MAGI2: variants seen among roughly 807,000 people sequenced by gnomAD.
The protein encoded by MAGI2 is membrane-associated guanylate kinase, WW and PDZ domain-containing protein 2.
In MAGI2, 35 loss-of-function variants were observed where a neutral mutation model predicts 133.3. The observed-to-expected ratio is 0.26, with a 90% confidence interval of 0.20 to 0.35. The LOEUF (loss-of-function observed/expected upper bound fraction) is 0.35, where lower values mean the gene tolerates loss of function less well. MAGI2 is among the 10% of genes least tolerant of loss of function. The pLI, the probability that MAGI2 is intolerant of heterozygous loss-of-function variation, is 1.00. For synonymous variants in MAGI2, 729 were observed against 710.6 expected (o/e 1.03, Z -0.41); for missense variants, 1,636 against 1,863.4 (o/e 0.88, Z 2.25).
chr7:78,810,510 C>T (rs944838542), intron 2 of MAGI2, among the ~76,000 whole-genome samples: 2 of 152,050 alleles, frequency 1.3e-5, no homozygotes, highest in African/African-American at 4.8e-5. Context: ...TATGAGAATA[C>T]AATTTAATAT....
At chr7:78,983,022 C>T (rs1326366910) in intron 2 of MAGI2, among the ~76,000 whole-genome samples, 2 of 151,852 alleles carry the variant, frequency 1.3e-5, no homozygotes, top group African/African-American at 4.8e-5. Flanking sequence ...ATTTCAAAGA[C>T]TTACTACAAA....
At chr7:79,064,290 T>C (rs1814086481) in intron 1 of MAGI2, among the ~76,000 whole-genome samples, 1 of 152,012 alleles carries the variant, frequency 6.6e-6, no homozygotes, top group Non-Finnish European at 1.5e-5. Context: ...AATTGAGTCA[T>C]AAAACATTTA....
rs181527908 is a variant in MAGI2 at position 78,932,324 on chromosome 7, G to A, written c.418+74766C>T. 8.5e-5 allele frequency among the ~76,000 whole-genome samples: 13 copies of A among 152,194 alleles called. No individual in the cohort carries two copies. In the East Asian group the frequency reaches 2.1e-3, roughly 25 times the overall value. Reference sequence around the variant, plus strand: ...GCGGGTCATAGTAATAAGAAAAAGAGGAAGCACTTATATTTTTCTATAGCA... The same window carrying A: ...GCGGGTCATAGTAATAAGAAAAAGAAGAAGCACTTATATTTTTCTATAGCA... On this transcript the variant is annotated intron_variant, in intron 2 of 21. Coordinates refer to ENST00000354212, the MANE Select transcript of MAGI2 (RefSeq NM_012301.4).
intron 18 of MAGI2, among the ~76,000 whole-genome samples, chr7:78,129,935 CAAAAA>C (rs61675652): frequency 5.3e-5 from 3 of 57,134 alleles, no homozygotes; most frequent in African/African-American, 2.1e-4. Context: ...AACTCCGCCT[CAAAAA>C]AAAAAAAAAA....
intron 10 of MAGI2, among the ~76,000 whole-genome samples, chr7:78,242,505 T>C (rs1449566312): frequency 2.0e-5 from 3 of 152,192 alleles, no homozygotes; most frequent in African/African-American, 4.8e-5. Flanking sequence ...TGCTGTGGAT[T>C]TGTGACTTAG....
chr7:78,838,507 T>TGA (rs1554583846), intron 2 of MAGI2, among the ~76,000 whole-genome samples: 1 of 86,766 alleles, frequency 1.2e-5, no homozygotes, highest in South Asian at 4.9e-4. Flanking sequence ...ATTATGTGTG[T>TGA]GAGTGTGTGT....
chr7:78,792,446 CAAAAGATGAT>C (rs1787243181), intron 2 of MAGI2, among the ~76,000 whole-genome samples: 1 of 152,096 alleles, frequency 6.6e-6, no homozygotes, highest in Non-Finnish European at 1.5e-5. Flanking sequence ...AGAGATTTAT[CAAAAGATGAT>C]AAAAGAGGCA....
At chr7:79,036,468 G>A (rs1315685577) in intron 1 of MAGI2, among the ~76,000 whole-genome samples, 2 of 152,130 alleles carry the variant, frequency 1.3e-5, no homozygotes, top group African/African-American at 4.8e-5. Flanking sequence ...TAGAACTAGG[G>A]ATGTCAGGAT....
chr7:79,167,295 T>C (rs1284060372), intron 1 of MAGI2, among the ~76,000 whole-genome samples: 1 of 150,580 alleles, frequency 6.6e-6, no homozygotes, highest in East Asian at 2.0e-4. Flanking sequence ...CCTCCACTCC[T>C]CTGATTCTTC....
At chr7:78,280,289 A>G (rs1408583232) in intron 9 of MAGI2, among the ~76,000 whole-genome samples, 2 of 150,060 alleles carry the variant, frequency 1.3e-5, no homozygotes, top group African/African-American at 2.5e-5. Context: ...ACAAAGAAAG[A>G]CAAATTGTGG....
intron 1 of MAGI2, among the ~76,000 whole-genome samples, chr7:79,089,407 G>A (rs1377209343): frequency 6.6e-6 from 1 of 152,046 alleles, no homozygotes; most frequent in African/African-American, 2.4e-5. Context: ...GATTCCTCAA[G>A]GATCTAGAAC....
At chr7:79,408,485 G>T (rs901410012) in intron 1 of MAGI2, among the ~76,000 whole-genome samples, 1 of 150,576 alleles carries the variant, frequency 6.6e-6, no homozygotes, top group Non-Finnish European at 1.5e-5. Context: ...TAGGACAAAA[G>T]AAAAAAAAGA....
At chr7:78,382,587 T>C (rs1213156802) in intron 6 of MAGI2, among the ~76,000 whole-genome samples, 1 of 152,042 alleles carries the variant, frequency 6.6e-6, no homozygotes, top group African/African-American at 2.4e-5. Flanking sequence ...ACACAAGAAA[T>C]TTTGTTACAC....
chr7:79,204,303 G>GTT lies in MAGI2; in HGVS notation c.302-197098_302-197097insAA, dbSNP rs1404979937. On this transcript the variant is annotated intron_variant, in intron 1 of 21. Transcript: ENST00000354212. ...AAACTATGACCTGCACCATGGGTCA[G>GTT]TGGATGTTAGTGGCCCTGGGCTCAG... Among the ~76,000 whole-genome samples the GTT allele has an allele frequency of 1.4e-3, 208 of 152,194 alleles. 1 individual carries two copies. The highest frequency in any genetic ancestry group is 4.8e-3 in the African/African-American group (200 of 41,470).
chr7:78,343,339 G>A (rs1790584179), intron 9 of MAGI2, among the ~76,000 whole-genome samples: 1 of 152,074 alleles, frequency 6.6e-6, no homozygotes, highest in Non-Finnish European at 1.5e-5. Flanking sequence ...ACCTAGTCCA[G>A]TTTAAAGTTT....
chr7:78,968,485 T>C (rs1803515622), intron 2 of MAGI2, among the ~76,000 whole-genome samples: 1 of 151,942 alleles, frequency 6.6e-6, no homozygotes. Flanking sequence ...AGTTTATTTC[T>C]AAGTATTTCA....
chr7:79,245,186 A>T (rs901405051), intron 1 of MAGI2, among the ~76,000 whole-genome samples: 1 of 152,046 alleles, frequency 6.6e-6, no homozygotes, highest in African/African-American at 2.4e-5. Context: ...TTCAGGTATG[A>T]CCTGACATAT....
intron 1 of MAGI2, among the ~76,000 whole-genome samples, chr7:79,071,700 C>G (rs988740966): frequency 4.6e-5 from 7 of 151,702 alleles, no homozygotes; most frequent in Non-Finnish European, 8.8e-5. Context: ...GCTGCCGCGG[C>G]CTTACGGAGC....
At chr7:78,517,555 G>A (rs1270309807) in intron 4 of MAGI2, among the ~76,000 whole-genome samples, 1 of 152,132 alleles carries the variant, frequency 6.6e-6, no homozygotes, top group Non-Finnish European at 1.5e-5. Context: ...TGGGATTAGA[G>A]ATAATATATG....
Sources: gnomAD v4.1 joint callset for allele counts (sites outside exome capture counted in the v4.1 genomes callset) on GRCh38, gnomAD v4.1.1 for gene constraint, MANE v1.5 for transcripts, NCBI Gene and HGNC (gene_info 2026-07-23, HGNC 2026-07-21) for gene names.